The following MMP26 variants were observed in gnomAD, a reference collection of about 807,000 sequenced individuals.
MMP26 encodes the protein matrix metalloproteinase-26.
A neutral mutation model predicts 31.0 loss-of-function variants in MMP26; 33 were observed. The ratio of observed to expected loss-of-function variants is 1.06; its 90% CI spans 0.81 to 1.42. MMP26 has a LOEUF of 1.42. MMP26 is among the 40% of genes most tolerant of loss of function. The pLI is 0.00. For synonymous variants in MMP26, 122 were observed against 114.9 expected (o/e 1.06, Z -0.40); for missense variants, 347 against 316.1 (o/e 1.10, Z -0.74).
chr11:4,773,017 A>C (rs530669873), intron 2 of MMP26, among the ~76,000 whole-genome samples: 3 of 152,360 alleles, frequency 2.0e-5, no homozygotes, highest in African/African-American at 7.2e-5. Flanking sequence ...CCACGACAAA[A>C]ATGAACTATA....
chr11:4,769,107 G>A, intron 2 of MMP26: 1 of 1,600,438 alleles, frequency 6.2e-7, no homozygotes, highest in Non-Finnish European at 8.5e-7. Context: ...ACTACTCTGG[G>A]GGCTGACCGA....
At chr11:4,816,821 A>C (rs1849427056) in intron 2 of MMP26, among the ~76,000 whole-genome samples, 1 of 146,476 alleles carries the variant, frequency 6.8e-6, no homozygotes, top group Non-Finnish European at 1.5e-5. Flanking sequence ...CTCCTGCCTC[A>C]GCCTCCCGAG....
Position 4,990,549 on chromosome 11 carries a change from A to C in MMP26, c.321-49A>C, listed in dbSNP as rs746171239. The C allele has an allele frequency of 7.1e-6, 11 of 1,541,236 alleles. No homozygotes were observed. In the South Asian group the frequency reaches 1.2e-4, roughly 17 times the overall value. ...AGAATTATTCATGTTTAGAGCTAGG[A>C]TAATTCCCATTCCTCTGAACTATTT... On this transcript the variant is annotated intron_variant, in intron 4 of 7. Transcript: ENST00000380390.
chr11:4,912,338 C>T (rs1851004091), intron 2 of MMP26, among the ~76,000 whole-genome samples: 1 of 152,084 alleles, frequency 6.6e-6, no homozygotes. Flanking sequence ...AGTATACTTG[C>T]TACTATATCG....
At chr11:4,759,647 T>A (rs1043384873) in intron 1 of MMP26, among the ~76,000 whole-genome samples, 1 of 152,206 alleles carries the variant, frequency 6.6e-6, no homozygotes, top group African/African-American at 2.4e-5. Flanking sequence ...TATTCCTCAT[T>A]TGTACTAAAA....
intron 2 of MMP26, chr11:4,915,309 C>A: frequency 6.2e-7 from 1 of 1,613,918 alleles, no homozygotes; most frequent in Middle Eastern, 1.6e-4. Context: ...GACAGTAGCA[C>A]AGAGGACTCG....
At chr11:4,804,134 TAGGTTG>T (rs1480802752) in intron 2 of MMP26, 1 of 1,613,954 alleles carries the variant, frequency 6.2e-7, no homozygotes, top group South Asian at 1.1e-5. Flanking sequence ...GCCAACATCT[TAGGTTG>T]AGTGGAGGAG....
rs765986677 is a variant in MMP26 at position 4,822,080 on chromosome 11, A to G, written c.-145+54739A>G. 6 of 1,613,450 alleles carry G rather than the reference A, an allele frequency of 3.7e-6. No homozygotes were observed. In the East Asian group the frequency reaches 8.9e-5, roughly 24 times the overall value. On this transcript the variant is annotated intron_variant, in intron 2 of 7. Transcript: ENST00000380390. ...GACTGCCCTTGCATCCTGCTCTCCTATATCCTGATCATTCGATCTGTCCTC... is the reference window on the plus strand; with the variant it reads ...GACTGCCCTTGCATCCTGCTCTCCTGTATCCTGATCATTCGATCTGTCCTC...
At chr11:4,824,353 A>C (rs1589912538) in intron 2 of MMP26, among the ~76,000 whole-genome samples, 1 of 152,056 alleles carries the variant, frequency 6.6e-6, no homozygotes, top group South Asian at 2.1e-4. Context: ...GGGTCCCATC[A>C]CTCTGACAGC....
chr11:4,811,317 A>G (rs1564915467), intron 2 of MMP26, among the ~76,000 whole-genome samples: 1 of 152,180 alleles, frequency 6.6e-6, no homozygotes, highest in Non-Finnish European at 1.5e-5. Flanking sequence ...TGTTAAGTAC[A>G]GTACTCAATA....
chr11:4,784,574 A>G (rs921588751), intron 2 of MMP26, among the ~76,000 whole-genome samples: 1 of 152,252 alleles, frequency 6.6e-6, no homozygotes, highest in African/African-American at 2.4e-5. Flanking sequence ...TGAGATTAGC[A>G]TCATGTAGCC....
intron 2 of MMP26, chr11:4,946,711 G>T: frequency 6.3e-7 from 1 of 1,577,816 alleles, no homozygotes; most frequent in Middle Eastern, 1.7e-4. Context: ...ATCTCAGAGG[G>T]TTGTGGATGG....
intron 2 of MMP26, among the ~76,000 whole-genome samples, chr11:4,828,438 T>C (rs1849606035): frequency 6.6e-6 from 1 of 152,162 alleles, no homozygotes; most frequent in African/African-American, 2.4e-5. Context: ...TTGTTCATAA[T>C]AGGTCATCAA....
intron 2 of MMP26, among the ~76,000 whole-genome samples, chr11:4,912,367 C>T (rs1207924433): frequency 6.6e-6 from 1 of 152,178 alleles, no homozygotes; most frequent in African/African-American, 2.4e-5. Flanking sequence ...TTTAATTTAT[C>T]ACCAGACATA....
intron 2 of MMP26, among the ~76,000 whole-genome samples, chr11:4,957,083 A>G (rs1717440550): frequency 6.6e-6 from 1 of 152,206 alleles, no homozygotes; most frequent in Admixed American, 6.5e-5. Context: ...CAGGTCTGTT[A>G]TTTTACTGAT....
chr11:4,824,827 T>C (rs181250909), intron 2 of MMP26, among the ~76,000 whole-genome samples: 1 of 152,220 alleles, frequency 6.6e-6, no homozygotes, highest in African/African-American at 2.4e-5. Flanking sequence ...CCTCTAATCA[T>C]GGATCAATGC....
intron 1 of MMP26, among the ~76,000 whole-genome samples, chr11:4,713,144 C>G (rs148084878): frequency 1.3e-5 from 2 of 151,938 alleles, no homozygotes; most frequent in African/African-American, 4.8e-5. Flanking sequence ...CAGAAAACTG[C>G]AATATATTAG....
chr11:4,725,414 A>G (rs578136075), intron 1 of MMP26, among the ~76,000 whole-genome samples: 68 of 152,338 alleles, frequency 4.5e-4, no homozygotes, highest in African/African-American at 1.5e-3. Flanking sequence ...CTTTTTACAT[A>G]CCCTAATGGT....
intron 1 of MMP26, among the ~76,000 whole-genome samples, chr11:4,731,778 G>GT (rs772097760): frequency 5.3e-5 from 8 of 152,190 alleles, no homozygotes; most frequent in Non-Finnish European, 1.0e-4. Flanking sequence ...CAGAAATGAT[G>GT]TATTTAGGGA....
Sources: gnomAD v4.1 joint callset for allele counts (sites outside exome capture counted in the v4.1 genomes callset) on GRCh38, gnomAD v4.1.1 for gene constraint, MANE v1.5 for transcripts, NCBI Gene and HGNC (gene_info 2026-07-23, HGNC 2026-07-21) for gene names.